The following OTUD7A variants were observed in gnomAD, a reference collection of about 807,000 sequenced individuals.
OTUD7A encodes the protein OTU deubiquitinase 7A, also known as OTU domain-containing protein 7A.
A neutral mutation model predicts 65.7 loss-of-function variants in OTUD7A; 12 were observed. That is an observed-to-expected ratio of 0.18 (90% CI 0.12 to 0.30). The LOEUF is 0.30. OTUD7A is among the 10% of genes least tolerant of loss of function. The probability of loss-of-function intolerance (pLI) is 1.00; values close to 1 mark genes in which losing one functional copy is unlikely to be tolerated. For missense variants in OTUD7A, 1,148 were observed against 1,304.8 expected, an observed-to-expected ratio of 0.88 and a Z score of 1.85; for synonymous variants, 641 against 586.3, an observed-to-expected ratio of 1.09 and a Z score of -1.35.
At chr15:31,640,107 C>T (rs1247214693) in intron 3 of OTUD7A, among the ~76,000 whole-genome samples, 1 of 152,130 alleles carries the variant, frequency 6.6e-6, no homozygotes, top group African/African-American at 2.4e-5. Flanking sequence ...AAGATTTTCT[C>T]ATGAATTAAT....
chr15:31,685,248 G>A (rs1892809230), intron 1 of OTUD7A, among the ~76,000 whole-genome samples: 2 of 152,200 alleles, frequency 1.3e-5, no homozygotes, highest in African/African-American at 4.8e-5. Context: ...TTACTGCCTA[G>A]TAAACAAGTT....
chr15:31,501,838 C>T lies in OTUD7A; in HGVS notation c.1023G>A (p.Ala341=), dbSNP rs748000415. The T allele has an allele frequency of 9.9e-6, 16 of 1,608,512 alleles. No individual in the cohort carries two copies. In the Admixed American group the frequency reaches 1.0e-4, roughly 10 times the overall value. Residue 341 remains alanine, a splice_region_variant and synonymous_variant, in exon 10 of 13, where the codon GCG becomes GCA. Transcript: ENST00000307050. The stretch of plus-strand genomic sequence containing the variant: ...TCCCTCCGAATGGGATGGGTGCGAA[C>T]GCTGTGGACACAAACCAGGGTGAGG... The part of the protein sequence containing the change: ...DTMLRDSGGE[A]FAPIPFGGIY...
chr15:31,605,849 G>C (rs146651125), intron 3 of OTUD7A, among the ~76,000 whole-genome samples: 1 of 152,116 alleles, frequency 6.6e-6, no homozygotes, highest in African/African-American at 2.4e-5. Context: ...TCCAGCCACC[G>C]GGGAGACTGT....
intron 3 of OTUD7A, among the ~76,000 whole-genome samples, chr15:31,593,273 G>A (rs1310873712): frequency 6.6e-6 from 1 of 151,902 alleles, no homozygotes. Flanking sequence ...CTGCACACAG[G>A]ACCTACATCT....
intron 9 of OTUD7A, among the ~76,000 whole-genome samples, chr15:31,502,242 T>C (rs2141082321): frequency 6.6e-6 from 1 of 152,334 alleles, no homozygotes; most frequent in Non-Finnish European, 1.5e-5. Context: ...ACCTCTTCTA[T>C]TGAATTTGAA....
chr15:31,485,454 A>G (rs938314435), intron 12 of OTUD7A, among the ~76,000 whole-genome samples: 1 of 152,194 alleles, frequency 6.6e-6, no homozygotes, highest in Non-Finnish European at 1.5e-5. Flanking sequence ...AGATGTTCCC[A>G]TTCCCAGAAA....
At chr15:31,723,303 T>C (rs56080167) in intron 1 of OTUD7A, among the ~76,000 whole-genome samples, 106,063 of 151,346 alleles carry the variant, frequency 0.7, 37,521 homozygotes, top group South Asian at 0.8. Flanking sequence ...TCTGCCCTTG[T>C]TTGTGGTGCC....
chr15:31,868,489 A>G (rs1161784190), intron 1 of OTUD7A, among the ~76,000 whole-genome samples: 1 of 152,242 alleles, frequency 6.6e-6, no homozygotes, highest in Non-Finnish European at 1.5e-5. Context: ...GACATGTTGT[A>G]AAGAAGAATC....
At chr15:31,558,500 A>G (rs1888572521) in intron 5 of OTUD7A, 1 of 174,542 alleles carries the variant, frequency 5.7e-6, no homozygotes, top group African/African-American at 2.4e-5. Flanking sequence ...AGTACCCCAA[A>G]GCGTTGCCGG....
intron 1 of OTUD7A, among the ~76,000 whole-genome samples, chr15:31,722,727 T>C (rs1893774959): frequency 6.6e-6 from 1 of 152,144 alleles, no homozygotes; most frequent in Admixed American, 6.5e-5. Flanking sequence ...CTGCAGGATG[T>C]TTGGGTTGAA....
intron 1 of OTUD7A, among the ~76,000 whole-genome samples, chr15:31,724,780 T>C (rs1318404034): frequency 6.6e-6 from 1 of 152,192 alleles, no homozygotes; most frequent in Non-Finnish European, 1.5e-5. Flanking sequence ...TTATGGTTGT[T>C]TGAAGGCTGA....
chr15:31,599,227 AG>A (rs1408056346), intron 3 of OTUD7A, among the ~76,000 whole-genome samples: 1 of 152,200 alleles, frequency 6.6e-6, no homozygotes, highest in African/African-American at 2.4e-5. Flanking sequence ...ACCTCCCAGG[AG>A]GGGCCAACAG....
In OTUD7A at chr15:31,681,966, G is replaced by T. The variant is rs184225684; in HGVS notation, c.-99-24889C>A. On this transcript the variant is annotated intron_variant, in intron 1 of 12. Coordinates refer to ENST00000307050, the MANE Select transcript of OTUD7A (RefSeq NM_001382637.1). ...GCTTAGAGCTATGAGAGACAAGATG[G>T]TGTCAGGCACAAGGGAAGGGCACCC... Among the ~76,000 whole-genome samples the T allele has an allele frequency of 4.4e-3, 663 of 152,218 alleles. 2 individuals carry two copies. Among genetic ancestry groups the T allele is most frequent in the South Asian group, 0.011 (54 of 4,832 alleles).
At chr15:31,798,819 G>C (rs1004400165) in intron 1 of OTUD7A, among the ~76,000 whole-genome samples, 4 of 152,314 alleles carry the variant, frequency 2.6e-5, no homozygotes, top group African/African-American at 7.2e-5. Flanking sequence ...CTTGGGGGGG[G>C]GCTCCTGTCA....
chr15:31,696,510 C>T (rs1258172157), intron 1 of OTUD7A, among the ~76,000 whole-genome samples: 1 of 126,124 alleles, frequency 7.9e-6, no homozygotes, highest in Non-Finnish European at 1.7e-5. Flanking sequence ...TGGACTGTGC[C>T]TGCTCCACTT....
At chr15:31,709,429 C>T (rs1893382704) in intron 1 of OTUD7A, among the ~76,000 whole-genome samples, 1 of 152,060 alleles carries the variant, frequency 6.6e-6, no homozygotes, top group Non-Finnish European at 1.5e-5. Context: ...TGGGAACCTG[C>T]ATAGGGACAG....
chr15:31,559,446 CAG>C (rs1381096886), intron 4 of OTUD7A, among the ~76,000 whole-genome samples: 1 of 152,076 alleles, frequency 6.6e-6, no homozygotes, highest in Non-Finnish European at 1.5e-5. Context: ...CACTTATAAG[CAG>C]AGATATACAT....
At chr15:31,847,584 G>C (rs1025722312) in intron 1 of OTUD7A, among the ~76,000 whole-genome samples, 1 of 152,184 alleles carries the variant, frequency 6.6e-6, no homozygotes, top group South Asian at 2.1e-4. Context: ...TTGCAACACA[G>C]GGAAGACCTT....
At chr15:31,519,806 A>G (rs892062564) in intron 8 of OTUD7A, among the ~76,000 whole-genome samples, 3 of 152,252 alleles carry the variant, frequency 2.0e-5, no homozygotes, top group African/African-American at 7.2e-5. Flanking sequence ...GTAAAGTTTC[A>G]GGATACAACA....
Sources: gnomAD v4.1 joint callset for allele counts (sites outside exome capture counted in the v4.1 genomes callset) on GRCh38, gnomAD v4.1.1 for gene constraint, MANE v1.5 for transcripts, NCBI Gene and HGNC (gene_info 2026-07-23, HGNC 2026-07-21) for gene names.